Variants in RASGEF1C observed in about 807,000 individuals in gnomAD.
RASGEF1C encodes ras-GEF domain-containing family member 1C.
RASGEF1C carries 27 observed loss-of-function variants against 58.1 expected under a neutral mutation model. That is an observed-to-expected ratio of 0.46 (90% CI 0.34 to 0.64). The LOEUF is 0.64. Ranked by LOEUF, RASGEF1C falls within the 30% of genes least tolerant of loss-of-function variation. RASGEF1C has a pLI of 0.01. For synonymous variants in RASGEF1C, 243 were observed against 246.3 expected (o/e 0.99, Z 0.13); for missense variants, 502 against 605.1 (o/e 0.83, Z 1.79).
chr5:180,192,430 G>A (rs1561757456), intron 1 of RASGEF1C, among the ~76,000 whole-genome samples: 1 of 152,070 alleles, frequency 6.6e-6, no homozygotes, highest in Non-Finnish European at 1.5e-5. Flanking sequence ...CACATGTTGT[G>A]TTTACTGTAC....
At chr5:180,162,006 G>C (rs1766951851) in intron 1 of RASGEF1C, among the ~76,000 whole-genome samples, 1 of 152,232 alleles carries the variant, frequency 6.6e-6, no homozygotes, top group African/African-American at 2.4e-5. Context: ...GCAAGTTTGA[G>C]ACAAATTCAT....
intron 3 of RASGEF1C, 105 bp from the exon 4 acceptor site, chr5:180,136,620 C>A: frequency 1.5e-6 from 2 of 1,306,300 alleles, no homozygotes; most frequent in Non-Finnish European, 2.1e-6. Context: ...GGCAGGGCCT[C>A]GTGCCCTCTC....
At chr5:180,191,547 G>T (rs6882357) in intron 1 of RASGEF1C, among the ~76,000 whole-genome samples, 1 of 151,366 alleles carries the variant, frequency 6.6e-6, no homozygotes, top group Non-Finnish European at 1.5e-5. Flanking sequence ...TAGTAGAGAC[G>T]GGATTTCACC....
intron 7 of RASGEF1C, 110 bp downstream of exon 7, chr5:180,120,950 G>C (rs563813533): frequency 3.8e-5 from 29 of 760,604 alleles, no homozygotes; most frequent in Non-Finnish European, 5.6e-5. Context: ...CTTGGACTTA[G>C]AAATGAATAA....
intron 1 of RASGEF1C, among the ~76,000 whole-genome samples, chr5:180,178,264 C>T (rs1298768633): frequency 3.8e-5 from 5 of 131,014 alleles, no homozygotes; most frequent in African/African-American, 1.5e-4. Flanking sequence ...TGAGCCACTG[C>T]ACCCGGCTGG....
chr5:180,179,016 C>T (rs964754331), intron 1 of RASGEF1C, among the ~76,000 whole-genome samples: 3 of 151,962 alleles, frequency 2.0e-5, no homozygotes, highest in Middle Eastern at 3.4e-3. Context: ...GGCCTGGGGC[C>T]GGGAGGAGGC....
At chr5:180,208,351 C>T (rs2127565471) in intron 1 of RASGEF1C, among the ~76,000 whole-genome samples, 1 of 152,272 alleles carries the variant, frequency 6.6e-6, no homozygotes, top group South Asian at 2.1e-4. Context: ...CCACAGTTTC[C>T]CACGCCCACG....
rs565977172 is a variant in RASGEF1C, at chr5:180,119,222, G to A, written c.907+124C>T. 6.7e-5 allele frequency: 56 copies of A among 839,434 alleles called. 1 individual carries two copies. Among genetic ancestry groups the A allele is most frequent in the South Asian group, 2.5e-4 (17 of 66,814 alleles). 52.0% of individuals were successfully genotyped at this position (839,434 alleles called of 1,614,324 possible). A position where few individuals can be genotyped will look rare whatever the true frequency, so the allele number is the denominator to read the frequency against. On this transcript the variant is annotated intron_variant, in intron 8 of 13. Transcript: ENST00000361132. ...GGCTGCCCAGGCCTTCAGAGAGCCC[G>A]GCCCACGCCCTCCCGCTGCTCAGAG...
Position 180,102,112 on chromosome 5 carries a change from G to A in RASGEF1C, c.1335C>T (p.Ser445=). 1 of 1,604,006 alleles carries A rather than the reference G, an allele frequency of 6.2e-7. No individual in the cohort carries two copies. Among genetic ancestry groups the A allele is most frequent in the Non-Finnish European group, 8.5e-7 (1 of 1,170,852 alleles). Residue 445 remains serine (S), a synonymous_variant, in exon 13 of 14, where the codon AGC becomes AGT. Coordinates refer to ENST00000361132, the MANE Select transcript of RASGEF1C (RefSeq NM_175062.4). ...TTTCTTTTTCTGTTTGGTTCTCTGG[G>A]CTCTCACTTTCGTAAGAAGCCAAAT... ...GLYLASYESE[S]PENQTEKERW... is the part of the protein sequence containing the mutation.
intron 1 of RASGEF1C, among the ~76,000 whole-genome samples, chr5:180,185,026 C>G (rs1422556688): frequency 2.0e-5 from 3 of 152,218 alleles, no homozygotes; most frequent in Non-Finnish European, 4.4e-5. Context: ...GGGGCGGTGG[C>G]TCACACCTGT....
intron 1 of RASGEF1C, among the ~76,000 whole-genome samples, chr5:180,203,297 TTGTTA>T (rs1367525547): frequency 6.6e-6 from 1 of 152,360 alleles, no homozygotes; most frequent in East Asian, 1.9e-4. Flanking sequence ...ATGTTATGTT[TTGTTA>T]TGTTATGACT....
chr5:180,149,241 C>T (rs184588688), intron 1 of RASGEF1C, among the ~76,000 whole-genome samples: 91 of 151,976 alleles, frequency 6.0e-4, no homozygotes, highest in Admixed American at 1.1e-3. Context: ...GTACACACTA[C>T]CACGCCCAGC....
intron 1 of RASGEF1C, among the ~76,000 whole-genome samples, chr5:180,191,086 A>G (rs575393012): frequency 3.3e-5 from 5 of 152,228 alleles, no homozygotes; most frequent in South Asian, 2.1e-4. Flanking sequence ...CGAAATCACA[A>G]TGAGATACTC....
chr5:180,112,269 C>T (rs555958739), intron 11 of RASGEF1C, among the ~76,000 whole-genome samples: 1 of 152,332 alleles, frequency 6.6e-6, no homozygotes, highest in Non-Finnish European at 1.5e-5. Flanking sequence ...CCAGCCTGGG[C>T]TAACCTAACA....
At chr5:180,202,436 G>A (rs1320980746) in intron 1 of RASGEF1C, among the ~76,000 whole-genome samples, 2 of 152,070 alleles carry the variant, frequency 1.3e-5, no homozygotes, top group Non-Finnish European at 2.9e-5. Context: ...CCAAGAGAAT[G>A]CCTAGTAAAA....
chr5:180,180,145 CA>C (rs1255033517), intron 1 of RASGEF1C, among the ~76,000 whole-genome samples: 1 of 152,164 alleles, frequency 6.6e-6, no homozygotes, highest in African/African-American at 2.4e-5. Context: ...GCCAATTACA[CA>C]AAAAGGCAGC....
intron 1 of RASGEF1C, among the ~76,000 whole-genome samples, chr5:180,200,863 T>C (rs534586354): frequency 1.3e-5 from 2 of 151,808 alleles, no homozygotes; most frequent in South Asian, 4.2e-4. Flanking sequence ...CACGCTGGCA[T>C]TGGTGGGGTG....
At chr5:180,161,592 C>T (rs1324422134) in intron 1 of RASGEF1C, among the ~76,000 whole-genome samples, 13 of 152,234 alleles carry the variant, frequency 8.5e-5, no homozygotes, top group Admixed American at 7.8e-4. Flanking sequence ...GACTGGGATC[C>T]GGGGCTGTGA....
At chr5:180,183,033 G>C (rs1755936519) in intron 1 of RASGEF1C, among the ~76,000 whole-genome samples, 1 of 152,216 alleles carries the variant, frequency 6.6e-6, no homozygotes, top group Non-Finnish European at 1.5e-5. Context: ...TTTAAGTAAA[G>C]CCTGTAATCA....
Sources: allele counts gnomAD v4.1 joint callset (sites outside exome capture counted in the v4.1 genomes callset), GRCh38; gene constraint gnomAD v4.1.1; transcripts MANE v1.5; gene names NCBI Gene and HGNC (gene_info 2026-07-23, HGNC 2026-07-21).